The following LPCAT2 variants were observed in gnomAD, a reference collection of about 807,000 sequenced individuals.
LPCAT2 encodes 1-AGP acyltransferase 11.
Under a neutral mutation model 64.7 loss-of-function variants are expected in LPCAT2, and 58 were observed. The ratio of observed to expected loss-of-function variants is 0.90; its 90% CI spans 0.73 to 1.12. The LOEUF (loss-of-function observed/expected upper bound fraction) is 1.12. Ranked by LOEUF, LPCAT2 falls within the 50% of genes most tolerant of loss-of-function variation. The pLI is 0.00. For missense variants in LPCAT2, 579 were observed against 669.8 expected (o/e 0.86, Z 1.50); for synonymous variants, 252 against 245.3 (o/e 1.03, Z -0.26).
rs780319959 is a variant in LPCAT2, at chr16:55,529,807, T to C, written c.530-28T>C. Reference sequence around the variant, plus strand: ...TGGTTGCTTTAGCCAAAAAATGGCTTGCCTGTAACTTTTCATTTGTTTTAA... The same window carrying C: ...TGGTTGCTTTAGCCAAAAAATGGCTCGCCTGTAACTTTTCATTTGTTTTAA... On this transcript the variant is annotated intron_variant, in intron 3 of 13. Transcript: ENST00000262134. 5 of 1,472,830 alleles carry C rather than the reference T, an allele frequency of 3.4e-6. No homozygotes were observed. In the East Asian group the frequency reaches 1.2e-4, roughly 34 times the overall value. The allele number at this position is 1,472,830 out of a possible 1,614,324, so 91.2% of individuals were successfully genotyped here.
At chr16:55,567,343 G>A (rs558136505) in intron 11 of LPCAT2, 14 of 1,613,650 alleles carry the variant, frequency 8.7e-6, no homozygotes, top group East Asian at 4.5e-5. Flanking sequence ...ATTGTCCGCC[G>A]GTATGCTAAT....
intron 13 of LPCAT2, among the ~76,000 whole-genome samples, chr16:55,582,437 T>A (rs1963897558): frequency 6.6e-6 from 1 of 152,228 alleles, no homozygotes; most frequent in Admixed American, 6.5e-5. Flanking sequence ...TTACTTTATA[T>A]CTTGCTTTTT....
chr16:55,549,005 T>G (rs552852457), intron 9 of LPCAT2, among the ~76,000 whole-genome samples: 8 of 152,146 alleles, frequency 5.3e-5, no homozygotes, highest in Non-Finnish European at 1.0e-4. Flanking sequence ...TGAAGGCAAC[T>G]ATTATTATTA....
intron 3 of LPCAT2, among the ~76,000 whole-genome samples, chr16:55,529,055 T>C (rs990692390): frequency 6.6e-6 from 1 of 152,210 alleles, no homozygotes; most frequent in Non-Finnish European, 1.5e-5. Flanking sequence ...GGGACCTATG[T>C]GTAGCTCTTT....
At chr16:55,575,680 T>G (rs9925659) in intron 12 of LPCAT2, among the ~76,000 whole-genome samples, 56,235 of 152,134 alleles carry the variant, frequency 0.37, 12,439 homozygotes, top group Non-Finnish European at 0.49. Flanking sequence ...CTAGAAAGAC[T>G]TTCTTCTTCC....
intron 1 of LPCAT2, among the ~76,000 whole-genome samples, chr16:55,517,491 G>C (rs1216835356): frequency 5.3e-5 from 8 of 152,086 alleles, no homozygotes; most frequent in Non-Finnish European, 8.8e-5. Context: ...AACTCATTCT[G>C]TGAGGCCAGG....
chr16:55,543,644 T>C (rs929046607), intron 8 of LPCAT2, among the ~76,000 whole-genome samples: 7 of 152,162 alleles, frequency 4.6e-5, no homozygotes, highest in Non-Finnish European at 8.8e-5. Context: ...ATTCTAGATA[T>C]ATAAGGATGT....
At chr16:55,567,014 A>G (rs1238805052) in intron 11 of LPCAT2, 1 of 1,613,798 alleles carries the variant, frequency 6.2e-7, no homozygotes, top group African/African-American at 1.3e-5. Flanking sequence ...AACAATTTAC[A>G]CAGCTGGCTG....
intron 4 of LPCAT2, 117 bp from the exon 5 acceptor site, chr16:55,531,797 T>G: frequency 1.5e-6 from 1 of 680,388 alleles, no homozygotes. Flanking sequence ...ATGTTAGCCT[T>G]TTATTTTGTT....
intron 11 of LPCAT2, among the ~76,000 whole-genome samples, chr16:55,571,301 A>C (rs1359250636): frequency 6.6e-6 from 1 of 152,146 alleles, no homozygotes; most frequent in Non-Finnish European, 1.5e-5. Flanking sequence ...AGTAGCCTAG[A>C]GCTTCCTGCT....
chr16:55,532,598 A>G (rs546924579), intron 5 of LPCAT2: 2 of 251,366 alleles, frequency 8.0e-6, no homozygotes, highest in East Asian at 7.2e-5. Context: ...AAATATTTTA[A>G]GTGGCATAGG....
chr16:55,572,643 G>T (rs1280351324), intron 11 of LPCAT2, among the ~76,000 whole-genome samples: 1 of 152,000 alleles, frequency 6.6e-6, no homozygotes, highest in South Asian at 2.1e-4. Context: ...GGTTACCATG[G>T]TGTATACATT....
At chr16:55,537,508 T>A (rs1444387252) in intron 7 of LPCAT2, 70 bp from the exon 8 acceptor site, 2 of 1,234,476 alleles carry the variant, frequency 1.6e-6, no homozygotes, top group Non-Finnish European at 2.3e-6. Flanking sequence ...TATAAAGAAA[T>A]GATTGTTGAA....
At chr16:55,522,281 A>G (rs1963108088) in intron 1 of LPCAT2, among the ~76,000 whole-genome samples, 1 of 151,734 alleles carries the variant, frequency 6.6e-6, no homozygotes, top group Non-Finnish European at 1.5e-5. Context: ...AGGAAAAACC[A>G]TATAAGATCA....
chr16:55,567,579 T>A (rs532220138), intron 11 of LPCAT2: 1 of 1,433,380 alleles, frequency 7.0e-7, no homozygotes, highest in Non-Finnish European at 9.5e-7. Flanking sequence ...CAGTTGCTGA[T>A]ACCCTGTGCA....
At chr16:55,534,557 AAAAAAGTATTATTTT>A in intron 7 of LPCAT2, 80 bp downstream of exon 7, 1 of 677,970 alleles carries the variant, frequency 1.5e-6, no homozygotes, top group East Asian at 3.2e-5. Context: ...TTCATTCTTT[AAAAAAGTATTATTTT>A]AAAAATATTG....
intron 2 of LPCAT2, among the ~76,000 whole-genome samples, chr16:55,528,000 G>T (rs549282147): frequency 2.2e-4 from 33 of 152,320 alleles, no homozygotes; most frequent in Admixed American, 4.6e-4. Context: ...TAGGGGATGT[G>T]TGTTGAGAAT....
intron 11 of LPCAT2, among the ~76,000 whole-genome samples, chr16:55,570,841 C>A (rs1025285359): frequency 7.2e-5 from 11 of 152,206 alleles, no homozygotes; most frequent in Admixed American, 5.2e-4. Context: ...TCAGTTAAAT[C>A]GAATACTTCT....
At chr16:55,528,334 T>G in intron 2 of LPCAT2, 43 bp from the exon 3 acceptor site, 1 of 1,514,408 alleles carries the variant, frequency 6.6e-7, no homozygotes, top group Non-Finnish European at 9.1e-7. Context: ...TGCTGCTAGC[T>G]TTAATTAACA....
Sources: gnomAD v4.1 joint callset for allele counts (sites outside exome capture counted in the v4.1 genomes callset) on GRCh38, gnomAD v4.1.1 for gene constraint, MANE v1.5 for transcripts, NCBI Gene and HGNC (gene_info 2026-07-23, HGNC 2026-07-21) for gene names.